Variants in LINGO2 observed in about 807,000 individuals in gnomAD.
LINGO2 encodes the protein leucine rich repeat and Ig domain containing 2.
LINGO2 carries 14 observed loss-of-function variants against 30.6 expected under a neutral mutation model. The observed-to-expected ratio is 0.46, with a 90% CI of 0.30 to 0.72. The LOEUF (loss-of-function observed/expected upper bound fraction) is 0.72, where lower values mean the gene tolerates loss of function less well. Among genes scored for constraint, LINGO2 ranks in the 30% least tolerant of loss-of-function variants. The pLI, the probability that LINGO2 is intolerant of heterozygous loss-of-function variation, is 0.07. For synonymous variants in LINGO2, 317 were observed against 288.5 expected (o/e 1.10, Z -1.00); for missense variants, 729 against 751.7 (o/e 0.97, Z 0.35).
intron 1 of LINGO2, among the ~76,000 whole-genome samples, chr9:28,628,460 G>T (rs1299156396): frequency 6.6e-6 from 1 of 152,066 alleles, no homozygotes; most frequent in Non-Finnish European, 1.5e-5. Context: ...ACTATGCCGG[G>T]TGCGTATAGT....
intron 4 of LINGO2, among the ~76,000 whole-genome samples, chr9:28,198,993 T>G (rs1820117829): frequency 6.6e-6 from 1 of 152,138 alleles, no homozygotes. Context: ...ATTGGAAGAT[T>G]TGCTTAGAAT....
the LINGO2 span, among the ~76,000 whole-genome samples, chr9:29,113,394 A>G: frequency 2.6e-5 from 4 of 152,164 alleles, no homozygotes; most frequent in African/African-American, 9.7e-5. Context: ...CATATAGATA[A>G]CTGATTTTAA....
At chr9:28,358,358 G>A (rs774332379) in intron 3 of LINGO2, among the ~76,000 whole-genome samples, 54 of 152,136 alleles carry the variant, frequency 3.5e-4, no homozygotes, top group Admixed American at 5.9e-4. Flanking sequence ...CAGCCACTGA[G>A]CAGTATCTCC....
At chr9:28,480,258 T>C (rs1825910613) in intron 1 of LINGO2, among the ~76,000 whole-genome samples, 1 of 151,872 alleles carries the variant, frequency 6.6e-6, no homozygotes, top group Non-Finnish European at 1.5e-5. Flanking sequence ...TCTTCATTAT[T>C]TGAGACCCAC....
intron 4 of LINGO2, among the ~76,000 whole-genome samples, chr9:28,218,917 T>A (rs886878470): frequency 2.0e-5 from 3 of 152,192 alleles, no homozygotes; most frequent in Admixed American, 1.3e-4. Flanking sequence ...TACTTCTGAG[T>A]GCCACTTATT....
chr9:28,351,493 T>C (rs1180483366), intron 3 of LINGO2, among the ~76,000 whole-genome samples: 2 of 151,064 alleles, frequency 1.3e-5, no homozygotes, highest in Admixed American at 6.6e-5. Context: ...GGAGCTGAAA[T>C]TGTGGCAATA....
chr9:29,076,464 C>T, the LINGO2 span, among the ~76,000 whole-genome samples: 12 of 151,162 alleles, frequency 7.9e-5, no homozygotes, highest in Admixed American at 6.6e-4. Context: ...AAAGGAGCAG[C>T]AATTAGACAG....
chr9:29,204,414 T>C, the LINGO2 span, among the ~76,000 whole-genome samples: 4 of 151,838 alleles, frequency 2.6e-5, no homozygotes, highest in African/African-American at 9.7e-5. Flanking sequence ...CTCATTAGCC[T>C]GTAAGTCTCT....
At chr9:28,974,235 T>A in the LINGO2 span, among the ~76,000 whole-genome samples, 4 of 151,906 alleles carry the variant, frequency 2.6e-5, no homozygotes, top group African/African-American at 9.7e-5. Flanking sequence ...TGAAACCCCA[T>A]CTCTACCAAA....
the LINGO2 span, among the ~76,000 whole-genome samples, chr9:29,091,091 C>A: frequency 3.3e-5 from 5 of 151,990 alleles, no homozygotes; most frequent in African/African-American, 9.7e-5. Flanking sequence ...ATTTGTCCAG[C>A]CTTCTTGTTG....
At chr9:28,591,355 G>A (rs1297975548) in intron 1 of LINGO2, among the ~76,000 whole-genome samples, 2 of 151,818 alleles carry the variant, frequency 1.3e-5, no homozygotes, top group African/African-American at 4.8e-5. Flanking sequence ...TTCCTGTTCT[G>A]CTTACTTGCA....
intron 2 of LINGO2, among the ~76,000 whole-genome samples, chr9:28,407,030 G>A (rs1284914510): frequency 6.6e-6 from 1 of 152,028 alleles, no homozygotes; most frequent in Non-Finnish European, 1.5e-5. Context: ...AGTTTTATAA[G>A]AAAGAATATA....
chr9:28,231,516 T>C (rs10968397), intron 4 of LINGO2, among the ~76,000 whole-genome samples: 33,880 of 151,912 alleles, frequency 0.22, 3,990 homozygotes, highest in African/African-American at 0.29. Context: ...CACATTAACT[T>C]CTACAATTAA....
At chr9:28,897,429 T>C in the LINGO2 span, among the ~76,000 whole-genome samples, 9 of 152,126 alleles carry the variant, frequency 5.9e-5, no homozygotes, top group African/African-American at 1.7e-4. Context: ...ATTTTGGTCA[T>C]TGCAAACAGG....
the LINGO2 span, among the ~76,000 whole-genome samples, chr9:28,996,414 T>C: frequency 2.0e-5 from 3 of 152,134 alleles, no homozygotes; most frequent in African/African-American, 7.2e-5. Flanking sequence ...AGATCAGGAA[T>C]CATACCATTT....
intron 4 of LINGO2, among the ~76,000 whole-genome samples, chr9:28,015,346 T>A (rs537303412): frequency 6.6e-6 from 1 of 152,226 alleles, no homozygotes; most frequent in Non-Finnish European, 1.5e-5. Context: ...AAATTTTTTA[T>A]CCCATGGAGA....
the LINGO2 span, among the ~76,000 whole-genome samples, chr9:29,203,869 T>C: frequency 6.6e-6 from 1 of 152,214 alleles, no homozygotes. Context: ...TCACTTTGTG[T>C]ATTATATATT....
intron 4 of LINGO2, among the ~76,000 whole-genome samples, chr9:28,048,844 C>A (rs924565892): frequency 1.5e-4 from 23 of 150,150 alleles, no homozygotes; most frequent in Non-Finnish European, 7.4e-5. Flanking sequence ...ATATATGTAA[C>A]TATATATATA....
chr9:29,073,019 T>C, the LINGO2 span, among the ~76,000 whole-genome samples: 4 of 144,654 alleles, frequency 2.8e-5, no homozygotes, highest in Non-Finnish European at 6.0e-5. Flanking sequence ...ACACCCCACA[T>C]GTCACAGCTT....
Sources: allele counts gnomAD v4.1 joint callset (sites outside exome capture counted in the v4.1 genomes callset), GRCh38; gene constraint gnomAD v4.1.1; transcripts MANE v1.5; gene names NCBI Gene and HGNC (gene_info 2026-07-23, HGNC 2026-07-21).